The following TPH2 variants were observed in gnomAD, a reference collection of about 807,000 sequenced individuals.
The protein encoded by TPH2 is tryptophan 5-hydroxylase 2.
In TPH2, 27 loss-of-function variants were observed where a neutral mutation model predicts 59.1. That is an observed-to-expected ratio of 0.46 (90% CI 0.34 to 0.63). The LOEUF (loss-of-function observed/expected upper bound fraction) is 0.63. Among genes scored for constraint, TPH2 ranks in the 30% least tolerant of loss-of-function variants. The pLI, the probability that TPH2 is intolerant of heterozygous loss-of-function variation, is 0.01. For synonymous variants in TPH2, 220 were observed against 210.5 expected, an observed-to-expected ratio of 1.05 and a Z score of -0.39; for missense variants, 523 against 588.3, an observed-to-expected ratio of 0.89 and a Z score of 1.15.
chr12:72,026,118 T>C (rs1019605393), intron 9 of TPH2, among the ~76,000 whole-genome samples: 38 of 152,096 alleles, frequency 2.5e-4, no homozygotes, highest in African/African-American at 8.9e-4. Flanking sequence ...AGTTAACCCA[T>C]CTCAAAAGCA....
intron 5 of TPH2, among the ~76,000 whole-genome samples, chr12:71,969,214 C>A (rs951530159): frequency 6.6e-6 from 1 of 152,044 alleles, no homozygotes; most frequent in Non-Finnish European, 1.5e-5. Context: ...ACCCGGGAGG[C>A]GGAGCTTGCA....
chr12:71,981,437 A>C (rs1187494818), intron 7 of TPH2, among the ~76,000 whole-genome samples: 2 of 152,146 alleles, frequency 1.3e-5, no homozygotes, highest in Non-Finnish European at 2.9e-5. Flanking sequence ...AATTGTTGAG[A>C]ATGAACAACA....
intron 7 of TPH2, among the ~76,000 whole-genome samples, chr12:71,992,965 G>A (rs534871894): frequency 1.3e-5 from 2 of 152,300 alleles, no homozygotes; most frequent in Admixed American, 1.3e-4. Context: ...CACCTCGTAT[G>A]CCTTTTGTTT....
chr12:71,960,409 C>G (rs901766359), intron 5 of TPH2, among the ~76,000 whole-genome samples: 1 of 152,202 alleles, frequency 6.6e-6, no homozygotes, highest in African/African-American at 2.4e-5. Context: ...TTACAGAAGT[C>G]TTAGTGTATT....
chr12:71,954,653 T>C (rs1191714240), intron 5 of TPH2, among the ~76,000 whole-genome samples: 1 of 152,186 alleles, frequency 6.6e-6, no homozygotes, highest in African/African-American at 2.4e-5. Context: ...GTTTTCTCTC[T>C]TTAGTGCCTT....
intron 5 of TPH2, among the ~76,000 whole-genome samples, chr12:71,952,476 A>G (rs1195412830): frequency 2.0e-5 from 3 of 152,324 alleles, no homozygotes; most frequent in East Asian, 3.9e-4. Context: ...AACAACCCTC[A>G]TAGGACTCAC....
At chr12:71,993,594 A>G (rs547816274) in intron 7 of TPH2, among the ~76,000 whole-genome samples, 2 of 152,356 alleles carry the variant, frequency 1.3e-5, no homozygotes, top group East Asian at 3.9e-4. Context: ...GGCAAATGAG[A>G]GAGGTTCCAG....
At chr12:71,989,156 T>C (rs1033220232) in intron 7 of TPH2, among the ~76,000 whole-genome samples, 3 of 144,930 alleles carry the variant, frequency 2.1e-5, no homozygotes, top group Non-Finnish European at 4.5e-5. Flanking sequence ...GATAGGGATA[T>C]AAGAAGGAGT....
At chr12:71,970,184 G>A (rs575668810) in intron 5 of TPH2, among the ~76,000 whole-genome samples, 1 of 152,182 alleles carries the variant, frequency 6.6e-6, no homozygotes, top group African/African-American at 2.4e-5. Flanking sequence ...TGGGGTTAGA[G>A]TGGTATGAGA....
chr12:71,992,480 T>C (rs909607969), intron 7 of TPH2, among the ~76,000 whole-genome samples: 2 of 143,796 alleles, frequency 1.4e-5, no homozygotes, highest in Non-Finnish European at 3.0e-5. Context: ...GGCATGCGCC[T>C]GTAGTCCCAA....
Position 72,031,381 on chromosome 12 carries a change from G to A in TPH2, c.1288G>A (p.Glu430Lys), listed in dbSNP as rs1268739752. The change falls in exon 10 of 11, where the codon GAA becomes AAA. Residue 430 changes from glutamate (E) to lysine (K), a missense_variant. By Grantham distance (56) the Glu-to-Lys change is moderately conservative. Coordinates refer to ENST00000333850, the MANE Select transcript of TPH2 (RefSeq NM_173353.4). ...FVSESFEEAKEKMRDFAKSIT... is the reference protein window; with the variant it reads ...FVSESFEEAKKKMRDFAKSIT... ...TTCAGAAAGTTTTGAAGAAGCCAAA[G>A]AAAAGATGAGGTAAACTTTTTTTTC... 1 of 1,613,588 alleles carries A rather than the reference G, an allele frequency of 6.2e-7. No individual in the cohort carries two copies. Among genetic ancestry groups the A allele is most frequent in the East Asian group, 2.2e-5 (1 of 44,872 alleles).
At chr12:71,964,595 C>T (rs1021802857) in intron 5 of TPH2, 14 of 985,120 alleles carry the variant, frequency 1.4e-5, no homozygotes, top group Non-Finnish European at 1.7e-5. Flanking sequence ...CACCTGGATG[C>T]AGGTGATACT....
intron 9 of TPH2, among the ~76,000 whole-genome samples, chr12:72,029,992 G>A (rs1001727936): frequency 1.3e-5 from 2 of 152,074 alleles, no homozygotes; most frequent in Non-Finnish European, 2.9e-5. Flanking sequence ...TATAATGGGT[G>A]GAATCCAGAG....
intron 7 of TPH2, among the ~76,000 whole-genome samples, chr12:71,984,260 C>T (rs1872369407): frequency 6.6e-6 from 1 of 152,038 alleles, no homozygotes; most frequent in Non-Finnish European, 1.5e-5. Context: ...GGTGATTTTT[C>T]TTATAATTGC....
In TPH2 at chr12:71,981,759, T is replaced by G. The variant is rs186951011; in HGVS notation, c.941+2672T>G. On this transcript the variant is annotated intron_variant, in intron 7 of 10. Coordinates refer to ENST00000333850, the MANE Select transcript of TPH2 (RefSeq NM_173353.4). Reference sequence around the variant, plus strand: ...AGGGAGGGAAGAGGAGGATTTGGGTTTGGGGTATTTTGTCTGTGAGGTGCC... The same window carrying G: ...AGGGAGGGAAGAGGAGGATTTGGGTGTGGGGTATTTTGTCTGTGAGGTGCC... 2.3e-3 allele frequency among the ~76,000 whole-genome samples: 350 copies of G among 151,924 alleles called. 4 individuals carry two copies. The highest frequency in any genetic ancestry group is 8.0e-3 in the African/African-American group (331 of 41,448).
At chr12:71,968,240 C>T (rs539146143) in intron 5 of TPH2, among the ~76,000 whole-genome samples, 2 of 152,300 alleles carry the variant, frequency 1.3e-5, no homozygotes, top group South Asian at 2.1e-4. Context: ...GCTCTGCCTC[C>T]CTTGGCCTTG....
At chr12:71,983,435 T>A (rs982648629) in intron 7 of TPH2, among the ~76,000 whole-genome samples, 2 of 152,106 alleles carry the variant, frequency 1.3e-5, no homozygotes, top group East Asian at 3.9e-4. Flanking sequence ...AAACCTTCCC[T>A]CTCACTCACT....
chr12:71,954,122 A>G (rs973231107), intron 5 of TPH2, among the ~76,000 whole-genome samples: 18 of 152,170 alleles, frequency 1.2e-4, no homozygotes, highest in Non-Finnish European at 2.1e-4. Flanking sequence ...TCTATGATGA[A>G]AAAACAGCAG....
At chr12:71,945,860 A>G (rs1204311507) in intron 4 of TPH2, among the ~76,000 whole-genome samples, 1 of 152,258 alleles carries the variant, frequency 6.6e-6, no homozygotes, top group Non-Finnish European at 1.5e-5. Flanking sequence ...ATTCTCTCAA[A>G]GAAACAATGT....
Sources: gnomAD v4.1 joint callset for allele counts (sites outside exome capture counted in the v4.1 genomes callset) on GRCh38, gnomAD v4.1.1 for gene constraint, MANE v1.5 for transcripts, NCBI Gene and HGNC (gene_info 2026-07-23, HGNC 2026-07-21) for gene names.